The following UNC13C variants were observed in gnomAD, a reference collection of about 807,000 sequenced individuals.
The protein encoded by UNC13C is protein unc-13 homolog C.
In UNC13C, 174 loss-of-function variants were observed where a neutral mutation model predicts 245.4. That is an observed-to-expected ratio of 0.71 (90% CI 0.63 to 0.80). UNC13C has a LOEUF of 0.80. Ranked by LOEUF, UNC13C falls within the 30% of genes least tolerant of loss-of-function variation. UNC13C has a pLI of 0.00. For missense variants in UNC13C, 2,829 were observed against 2,602.9 expected (o/e 1.09, Z -1.89); for synonymous variants, 992 against 895.1 (o/e 1.11, Z -1.93).
chr15:54,081,585 A>C (rs1898942123), intron 2 of UNC13C, among the ~76,000 whole-genome samples: 1 of 145,634 alleles, frequency 6.9e-6, no homozygotes, highest in Non-Finnish European at 1.5e-5. Context: ...ATGTTTCATC[A>C]GATACAAGAA....
intron 2 of UNC13C, among the ~76,000 whole-genome samples, chr15:54,075,402 G>A (rs940556481): frequency 6.6e-6 from 1 of 151,386 alleles, no homozygotes; most frequent in Admixed American, 6.6e-5. Flanking sequence ...GGAGAATGGC[G>A]TGAACCTGAA....
chr15:53,982,671 C>G (rs1403159759), intron 1 of UNC13C, among the ~76,000 whole-genome samples: 1 of 152,134 alleles, frequency 6.6e-6, no homozygotes, highest in Non-Finnish European at 1.5e-5. Context: ...CAACAAGAGT[C>G]CAGTGCTTTT....
At chr15:54,612,917 A>G (rs1900198349) in intron 30 of UNC13C, among the ~76,000 whole-genome samples, 2 of 151,874 alleles carry the variant, frequency 1.3e-5, no homozygotes, top group African/African-American at 4.8e-5. Context: ...TTTTGTCAGT[A>G]TTTCACTTAG....
intron 17 of UNC13C, among the ~76,000 whole-genome samples, chr15:54,352,639 A>G (rs1268053712): frequency 2.0e-5 from 3 of 152,034 alleles, no homozygotes; most frequent in African/African-American, 7.2e-5. Context: ...TATTTTTGCT[A>G]TCACTCATAA....
the UNC13C span, among the ~76,000 whole-genome samples, chr15:53,892,986 GT>G: frequency 6.6e-6 from 1 of 152,100 alleles, no homozygotes. Context: ...TTTTTGAGCT[GT>G]TTCCCCCCAT....
chr15:54,463,171 C>T (rs1891951772), intron 19 of UNC13C, among the ~76,000 whole-genome samples: 1 of 148,502 alleles, frequency 6.7e-6, no homozygotes, highest in African/African-American at 2.5e-5. Flanking sequence ...TTTGTAAACA[C>T]ACCAGTCAGC....
intron 2 of UNC13C, among the ~76,000 whole-genome samples, chr15:54,053,763 C>A (rs763766044): frequency 1.3e-5 from 2 of 152,084 alleles, no homozygotes; most frequent in Admixed American, 6.6e-5. Flanking sequence ...GACCCATTAA[C>A]CATCCCCACA....
intron 4 of UNC13C, among the ~76,000 whole-genome samples, chr15:54,211,775 T>C (rs1294590296): frequency 6.6e-6 from 1 of 152,112 alleles, no homozygotes; most frequent in Non-Finnish European, 1.5e-5. Flanking sequence ...CATTGCTTAG[T>C]CTACAGAAGA....
chr15:54,206,078 A>T (rs2034699317), intron 4 of UNC13C, among the ~76,000 whole-genome samples: 1 of 152,092 alleles, frequency 6.6e-6, no homozygotes, highest in Non-Finnish European at 1.5e-5. Context: ...GTATTAATGC[A>T]TAAGAGATTG....
At chr15:53,886,229 A>G in the UNC13C span, among the ~76,000 whole-genome samples, 1 of 152,210 alleles carries the variant, frequency 6.6e-6, no homozygotes, top group Non-Finnish European at 1.5e-5. Flanking sequence ...TCCAACAAAA[A>G]GAAATAGAGC....
rs569334680 is a variant in UNC13C at position 54,449,218 on chromosome 15, C to T, written c.4933+34151C>T. On this transcript the variant is annotated intron_variant, in intron 19 of 32. Transcript: ENST00000260323. The stretch of plus-strand genomic sequence containing the variant: ...TGGCTGCCCTTAAAATTTTTTCCTT[C>T]ATTTCAACTTTGGTGAATCTGACAA... Among the ~76,000 whole-genome samples the T allele has an allele frequency of 2.2e-4, 33 of 152,230 alleles. 1 individual carries two copies. The highest frequency in any genetic ancestry group is 4.2e-4 in the South Asian group (2 of 4,816).
chr15:53,854,855 G>A, the UNC13C span, among the ~76,000 whole-genome samples: 1 of 152,114 alleles, frequency 6.6e-6, no homozygotes, highest in Non-Finnish European at 1.5e-5. Flanking sequence ...GTTTAATGGA[G>A]ATGGCATTGA....
the UNC13C span, among the ~76,000 whole-genome samples, chr15:53,939,059 G>A: frequency 1.1e-4 from 16 of 151,930 alleles, no homozygotes; most frequent in Non-Finnish European, 2.2e-4. Context: ...GAATCCAGGA[G>A]CTGGTTTTTT....
chr15:54,406,185 G>A (rs1293365217), intron 18 of UNC13C, among the ~76,000 whole-genome samples: 2 of 152,150 alleles, frequency 1.3e-5, no homozygotes, highest in African/African-American at 2.4e-5. Flanking sequence ...TAGGTTCGAC[G>A]AAAAGTGGAG....
chr15:53,952,766 A>G, the UNC13C span, among the ~76,000 whole-genome samples: 1 of 152,220 alleles, frequency 6.6e-6, no homozygotes, highest in Non-Finnish European at 1.5e-5. Flanking sequence ...TAAAAATTGT[A>G]AGGAAATAGG....
intron 4 of UNC13C, among the ~76,000 whole-genome samples, chr15:54,215,931 C>T (rs1489739943): frequency 6.6e-6 from 1 of 151,898 alleles, no homozygotes; most frequent in East Asian, 1.9e-4. Flanking sequence ...GCCATTTTGT[C>T]CAACATAAAT....
intron 4 of UNC13C, among the ~76,000 whole-genome samples, chr15:54,202,538 A>G (rs2034555996): frequency 6.6e-6 from 1 of 151,906 alleles, no homozygotes; most frequent in Admixed American, 6.6e-5. Context: ...ACTGATCTTC[A>G]ACAAAGCAAA....
intron 26 of UNC13C, among the ~76,000 whole-genome samples, chr15:54,539,849 G>GA (rs1566896574): frequency 6.6e-6 from 1 of 151,878 alleles, no homozygotes; most frequent in African/African-American, 2.4e-5. Context: ...CTTATTTTCA[G>GA]TACATTTTGA....
chr15:53,943,451 C>G, the UNC13C span, among the ~76,000 whole-genome samples: 1 of 152,034 alleles, frequency 6.6e-6, no homozygotes, highest in Non-Finnish European at 1.5e-5. Flanking sequence ...AACAGCAACA[C>G]AATAAAAACA....
Sources: allele counts gnomAD v4.1 joint callset (sites outside exome capture counted in the v4.1 genomes callset), GRCh38; gene constraint gnomAD v4.1.1; transcripts MANE v1.5; gene names NCBI Gene and HGNC (gene_info 2026-07-23, HGNC 2026-07-21).